PRKG1: variants seen among roughly 807,000 people sequenced by gnomAD.
The protein encoded by PRKG1 is cGMP-dependent protein kinase 1.
Under a neutral mutation model 88.1 loss-of-function variants are expected in PRKG1, and 35 were observed. The observed-to-expected ratio is 0.40, with a 90% confidence interval of 0.30 to 0.53. The LOEUF (loss-of-function observed/expected upper bound fraction) is 0.53, where lower values mean the gene tolerates loss of function less well. Ranked by LOEUF, PRKG1 falls within the 20% of genes least tolerant of loss-of-function variation. The probability of loss-of-function intolerance (pLI) is 0.59; values close to 1 mark genes in which losing one functional copy is unlikely to be tolerated. For synonymous variants in PRKG1, 303 were observed against 292.5 expected (o/e 1.04, Z -0.37); for missense variants, 540 against 839.8 (o/e 0.64, Z 4.41).
chr10:51,964,582 G>A (rs964260073), intron 5 of PRKG1, among the ~76,000 whole-genome samples: 4 of 152,300 alleles, frequency 2.6e-5, no homozygotes, highest in African/African-American at 7.2e-5. Context: ...AGGTTGTGGT[G>A]TAAAAATAAT....
At chr10:51,753,346 G>A (rs117408646) in intron 3 of PRKG1, among the ~76,000 whole-genome samples, 2 of 151,800 alleles carry the variant, frequency 1.3e-5, no homozygotes, top group African/African-American at 4.9e-5. Flanking sequence ...GTCAATTACT[G>A]TTTAATTGCT....
At chr10:51,818,441 A>G (rs1839650259) in intron 4 of PRKG1, among the ~76,000 whole-genome samples, 1 of 152,170 alleles carries the variant, frequency 6.6e-6, no homozygotes, top group Non-Finnish European at 1.5e-5. Context: ...CATGTCAGAA[A>G]AGAGATATTT....
chr10:51,616,871 T>C (rs1047300804), intron 3 of PRKG1, among the ~76,000 whole-genome samples: 6 of 152,148 alleles, frequency 3.9e-5, no homozygotes, highest in African/African-American at 1.4e-4. Flanking sequence ...AAAAAGGTGG[T>C]GACCTATTCC....
At chr10:52,270,263 CT>C (rs1242862928) in intron 10 of PRKG1, among the ~76,000 whole-genome samples, 4 of 152,116 alleles carry the variant, frequency 2.6e-5, no homozygotes, top group African/African-American at 9.7e-5. Flanking sequence ...CACTTTTACA[CT>C]GTTGGTGGGA....
At position 52,242,053 on chromosome 10, in the gene PRKG1, C is replaced by G. The variant is rs568849904; in HGVS notation, c.1077-9517C>G. 8 of 152,330 alleles carry G rather than the reference C, an allele frequency of 5.3e-5. No individual in the cohort carries two copies. The East Asian group carries it at 1.5e-3, about 29-fold the overall frequency. The allele number at this position is 152,330 out of a possible 1,614,324, so 9.4% of individuals were successfully genotyped here. On this transcript the variant is annotated intron_variant, in intron 9 of 17. Transcript: ENST00000373980. ...TTGCAATGAGAGCTCTGTAGTAATG[C>G]ATGATTTTTCCAGGGTGGCGTGAAG...
intron 1 of PRKG1, among the ~76,000 whole-genome samples, chr10:51,050,879 T>C (rs1366270518): frequency 6.6e-6 from 1 of 152,204 alleles, no homozygotes; most frequent in Non-Finnish European, 1.5e-5. Flanking sequence ...ATTGTGGTTT[T>C]GATTTGGATT....
At chr10:51,257,818 G>A (rs996214852) in intron 2 of PRKG1, among the ~76,000 whole-genome samples, 6 of 152,108 alleles carry the variant, frequency 3.9e-5, no homozygotes, top group East Asian at 1.9e-4. Context: ...CTAGAATCAG[G>A]GGCAGTGAGC....
intron 2 of PRKG1, among the ~76,000 whole-genome samples, chr10:51,301,046 C>T (rs1012074061): frequency 1.3e-5 from 2 of 152,114 alleles, no homozygotes; most frequent in Non-Finnish European, 2.9e-5. Context: ...TGCCAGTTAA[C>T]TCTCATGTCG....
intron 1 of PRKG1, among the ~76,000 whole-genome samples, chr10:51,090,311 A>C (rs532346557): frequency 6.6e-6 from 1 of 152,278 alleles, no homozygotes; most frequent in East Asian, 1.9e-4. Flanking sequence ...GATGGAAAGA[A>C]GTTCAGTAAT....
At chr10:52,026,258 G>C (rs1845334148) in intron 5 of PRKG1, among the ~76,000 whole-genome samples, 2 of 152,152 alleles carry the variant, frequency 1.3e-5, no homozygotes, top group Admixed American at 6.5e-5. Context: ...GGAATATGGA[G>C]TAGATTATAA....
At chr10:51,801,467 G>C (rs1839172124) in intron 3 of PRKG1, among the ~76,000 whole-genome samples, 1 of 152,112 alleles carries the variant, frequency 6.6e-6, no homozygotes, top group Admixed American at 6.6e-5. Flanking sequence ...CTCTGTACTA[G>C]ATCACAAGTT....
intron 4 of PRKG1, among the ~76,000 whole-genome samples, chr10:51,877,672 T>C (rs1841332823): frequency 6.6e-6 from 1 of 152,162 alleles, no homozygotes; most frequent in Non-Finnish European, 1.5e-5. Flanking sequence ...GCAACAGAAA[T>C]GTAAAGAAGA....
chr10:51,238,999 A>G (rs1589270313), intron 2 of PRKG1, among the ~76,000 whole-genome samples: 1 of 152,218 alleles, frequency 6.6e-6, no homozygotes, highest in East Asian at 1.9e-4. Context: ...AAGATAACCA[A>G]TGGATAAAAA....
At chr10:52,259,290 A>C (rs531340487) in intron 10 of PRKG1, among the ~76,000 whole-genome samples, 3 of 152,174 alleles carry the variant, frequency 2.0e-5, no homozygotes, top group African/African-American at 7.2e-5. Context: ...CTCTTCTGAC[A>C]AAAGTAGGTT....
intron 2 of PRKG1, among the ~76,000 whole-genome samples, chr10:51,284,279 A>G (rs1303419826): frequency 2.6e-5 from 4 of 152,206 alleles, no homozygotes; most frequent in Non-Finnish European, 4.4e-5. Context: ...ACTAGTATTT[A>G]TTGCATATCT....
intron 2 of PRKG1, among the ~76,000 whole-genome samples, chr10:51,458,055 T>C (rs10508938): frequency 0.21 from 31,290 of 152,126 alleles, 3,460 homozygotes; most frequent in Admixed American, 0.32. Flanking sequence ...TATTCTTCAT[T>C]TTAGTTTGTT....
intron 1 of PRKG1, among the ~76,000 whole-genome samples, chr10:51,010,558 G>A (rs1386328135): frequency 6.6e-6 from 1 of 152,134 alleles, no homozygotes; most frequent in Non-Finnish European, 1.5e-5. Context: ...CAAAAGATAG[G>A]GGAACATGTA....
intron 1 of PRKG1, among the ~76,000 whole-genome samples, chr10:51,132,526 A>G (rs1225723795): frequency 3.3e-5 from 5 of 151,772 alleles, no homozygotes; most frequent in African/African-American, 7.3e-5. Context: ...TATTATTAAA[A>G]TGTAGGTTTT....
chr10:52,269,282 T>G (rs1408369179), intron 10 of PRKG1, among the ~76,000 whole-genome samples: 1 of 152,108 alleles, frequency 6.6e-6, no homozygotes, highest in Non-Finnish European at 1.5e-5. Context: ...CTTTTAGAAG[T>G]GAGTTTTCAC....
Sources: allele counts gnomAD v4.1 joint callset (sites outside exome capture counted in the v4.1 genomes callset), GRCh38; gene constraint gnomAD v4.1.1; transcripts MANE v1.5; gene names NCBI Gene and HGNC (gene_info 2026-07-23, HGNC 2026-07-21).